Variants in TTC17 observed in about 807,000 individuals in gnomAD.
The protein encoded by TTC17 is tetratricopeptide repeat protein 17.
TTC17 carries 58 observed loss-of-function variants against 143.8 expected under a neutral mutation model. That is an observed-to-expected ratio of 0.40 (90% CI 0.33 to 0.50). TTC17 has a LOEUF of 0.50. Among genes scored for constraint, TTC17 ranks in the 20% least tolerant of loss-of-function variants. TTC17 has a pLI of 0.49. For synonymous variants in TTC17, 501 were observed against 497.8 expected, an observed-to-expected ratio of 1.01 and a Z score of -0.09; for missense variants, 1,273 against 1,392.5, an observed-to-expected ratio of 0.91 and a Z score of 1.37.
intron 17 of TTC17, 72 bp from the exon 18 acceptor site, chr11:43,443,984 A>AC (rs1947481819): frequency 6.7e-7 from 1 of 1,485,464 alleles, no homozygotes; most frequent in Non-Finnish European, 9.0e-7. Flanking sequence ...TTATTCTTAA[A>AC]CTAGTATTCA....
At chr11:43,459,753 G>A (rs1947830142) in intron 21 of TTC17, among the ~76,000 whole-genome samples, 4 of 152,172 alleles carry the variant, frequency 2.6e-5, no homozygotes, top group South Asian at 4.1e-4. Context: ...GCATTCAGTA[G>A]CAACCATACT....
At chr11:43,465,651 A>G (rs899379087) in intron 21 of TTC17, among the ~76,000 whole-genome samples, 27 of 152,292 alleles carry the variant, frequency 1.8e-4, no homozygotes, top group African/African-American at 6.3e-4. Flanking sequence ...ATAATCAAAT[A>G]ATTTTCCACA....
At chr11:43,475,672 T>G (rs1193989104) in intron 21 of TTC17, among the ~76,000 whole-genome samples, 1 of 152,186 alleles carries the variant, frequency 6.6e-6, no homozygotes, top group African/African-American at 2.4e-5. Context: ...TTATTCTGCT[T>G]GAGCATTCCA....
At chr11:43,490,972 G>A (rs1430192122) in intron 22 of TTC17, 3 of 149,272 alleles carry the variant, frequency 2.0e-5, no homozygotes, top group African/African-American at 7.4e-5. Flanking sequence ...CAGCACATTT[G>A]TATTCATGTG....
intron 21 of TTC17, among the ~76,000 whole-genome samples, chr11:43,474,193 G>A (rs1948143198): frequency 6.6e-6 from 1 of 152,164 alleles, no homozygotes. Context: ...CCACACAGTG[G>A]AGGCTTCTGC....
At chr11:43,384,144 C>CA (rs11299211) in intron 2 of TTC17, among the ~76,000 whole-genome samples, 11 of 139,310 alleles carry the variant, frequency 7.9e-5, no homozygotes, top group Admixed American at 1.4e-4. Flanking sequence ...GACCCTGTCT[C>CA]AAAAAAAAAA....
Position 43,414,629 on chromosome 11 carries a change from C to T in TTC17, c.2104C>T (p.Leu702=), listed in dbSNP as rs112155488. The change falls in exon 16 of 24, where the codon CTG becomes TTG. Residue 702 remains leucine (L), a synonymous_variant. Coordinates refer to ENST00000039989, the MANE Select transcript of TTC17 (RefSeq NM_018259.6). ...FLSLGNAYLA[L]KNISGALEAF... ...GAGCCTGGGAAATGCTTACCTTGCT[C>T]TGAAGAATATCAGTGGGGCACTTGA... The T allele has an allele frequency of 1.2e-6, 2 of 1,613,092 alleles. No individual in the cohort carries two copies. The highest frequency in any genetic ancestry group is 2.2e-5 in the South Asian group (2 of 90,966).
chr11:43,492,505 A>C (rs1948492011), intron 23 of TTC17, among the ~76,000 whole-genome samples: 1 of 152,156 alleles, frequency 6.6e-6, no homozygotes, highest in African/African-American at 2.4e-5. Context: ...TCTTGCTTCC[A>C]GGTTGGGCTA....
chr11:43,422,016 C>T (rs887816412), intron 16 of TTC17, among the ~76,000 whole-genome samples: 6 of 152,074 alleles, frequency 3.9e-5, no homozygotes, highest in South Asian at 4.1e-4. Context: ...GGGGTAAGAG[C>T]GGAAGCATGA....
chr11:43,435,987 T>C (rs775646602), intron 16 of TTC17, among the ~76,000 whole-genome samples: 7 of 152,228 alleles, frequency 4.6e-5, no homozygotes, highest in Non-Finnish European at 8.8e-5. Context: ...GCGCAAAATC[T>C]TGAATCACAG....
chr11:43,443,455 A>G lies in TTC17; in HGVS notation c.2382A>G (p.Ala794=). The change falls in exon 17 of 24, where the codon GCA becomes GCG. Residue 794 remains alanine (A), a synonymous_variant. Coordinates refer to ENST00000039989, the MANE Select transcript of TTC17 (RefSeq NM_018259.6). ...GGCCTTTGGAAGGCTTTGGGGGTGCACTAGAGATGAAAGGGCGGCGTCTAG... is the reference window on the plus strand; with the variant it reads ...GGCCTTTGGAAGGCTTTGGGGGTGCGCTAGAGATGAAAGGGCGGCGTCTAG... ...QAWPLEGFGG[A]LEMKGRRLDL... 6.2e-7 allele frequency: 1 copy of G among 1,614,168 alleles called. No homozygotes were observed. The highest frequency in any genetic ancestry group is 8.5e-7 in the Non-Finnish European group (1 of 1,180,012).
At chr11:43,380,083 T>A (rs577926517) in intron 2 of TTC17, among the ~76,000 whole-genome samples, 20 of 152,268 alleles carry the variant, frequency 1.3e-4, no homozygotes, top group African/African-American at 4.8e-4. Flanking sequence ...AAAAGTAGAA[T>A]CAGAGTATTT....
intron 22 of TTC17, chr11:43,491,722 A>C: frequency 3.0e-6 from 1 of 337,182 alleles, no homozygotes; most frequent in Middle Eastern, 9.0e-4. Flanking sequence ...CAATGAGACA[A>C]GGAGCTTCAC....
At chr11:43,425,718 G>T (rs1209913722) in intron 16 of TTC17, among the ~76,000 whole-genome samples, 1 of 152,080 alleles carries the variant, frequency 6.6e-6, no homozygotes, top group Non-Finnish European at 1.5e-5. Flanking sequence ...TTTATTACTA[G>T]TGGTTGAATT....
At chr11:43,439,506 C>T (rs1364404038) in intron 16 of TTC17, among the ~76,000 whole-genome samples, 7 of 137,578 alleles carry the variant, frequency 5.1e-5, no homozygotes, top group Non-Finnish European at 9.2e-5. Flanking sequence ...CTTGCTGTGT[C>T]GCCCAGGCTG....
At chr11:43,431,917 C>T (rs1037639687) in intron 16 of TTC17, among the ~76,000 whole-genome samples, 6 of 152,230 alleles carry the variant, frequency 3.9e-5, no homozygotes, top group Non-Finnish European at 2.9e-5. Context: ...GTACCCATAA[C>T]CACTGCTCTA....
chr11:43,440,428 A>T (rs1947390522), intron 16 of TTC17, among the ~76,000 whole-genome samples: 1 of 152,264 alleles, frequency 6.6e-6, no homozygotes, highest in African/African-American at 2.4e-5. Context: ...GTCATATATT[A>T]AAAATCCCAG....
rs1191588698 is a variant in TTC17, at chr11:43,407,382, T to C, written c.1869T>C (p.Asn623=). The C allele has an allele frequency of 2.5e-6, 4 of 1,613,898 alleles. No homozygotes were observed. In the East Asian group the frequency reaches 8.9e-5, roughly 36 times the overall value. Residue 623 remains asparagine (N), a synonymous_variant, in exon 15 of 24, where the codon AAT becomes AAC. Coordinates refer to ENST00000039989, the MANE Select transcript of TTC17 (RefSeq NM_018259.6). ...ATGCTCCTATCTGGCTCATACTCAA[T>C]GAAGCTGGACTATACTGGAGAGCAG... is the stretch of plus-strand genomic sequence containing the variant. ...KPNAPIWLIL[N]EAGLYWRAVG... is the part of the protein sequence containing the mutation.
rs1947583066 is a variant in TTC17 at position 43,448,029 on chromosome 11, G to C, written c.2693G>C (p.Gly898Ala). The C allele has an allele frequency of 6.2e-7, 1 of 1,614,050 alleles. No individual in the cohort carries two copies. The highest frequency in any genetic ancestry group is 1.1e-5 in the South Asian group (1 of 91,076). Residue 898 changes from glycine (G) to alanine (A), a missense_variant, in exon 19 of 24, where the codon GGA becomes GCA. By Grantham distance (60) the Gly-to-Ala change is moderately conservative (BLOSUM62 0). This residue lies in a region of TTC17 where 878 missense variants were observed against 899.8 expected (regional missense o/e 0.98). Transcript: ENST00000039989. ...AAAAAACGTGACTACCAGCGTCTGG[G>C]ATGGCCCAGCCCGGACGAATGCCTC... ...QGKKRDYQRLGWPSPDECLKL... is the reference protein window; with the variant it reads ...QGKKRDYQRLAWPSPDECLKL...
Sources: gnomAD v4.1 joint callset for allele counts (sites outside exome capture counted in the v4.1 genomes callset) on GRCh38, gnomAD v4.1.1 for gene constraint, gnomAD v4.1.1 regional missense constraint, MANE v1.5 for transcripts, NCBI Gene and HGNC (gene_info 2026-07-23, HGNC 2026-07-21) for gene names.